Variants in FAM174B observed in about 807,000 individuals in gnomAD.
FAM174B encodes the protein family with sequence similarity 174 member B, also known as membrane protein FAM174B.
Under a neutral mutation model 10.9 loss-of-function variants are expected in FAM174B, and 12 were observed. The ratio of observed to expected loss-of-function variants is 1.10; its 90% CI spans 0.71 to 1.79. The LOEUF (loss-of-function observed/expected upper bound fraction) is 1.79. FAM174B is among the 40% of genes most tolerant of loss of function. The pLI is 0.00. For synonymous variants in FAM174B, 132 were observed against 115.8 expected, an observed-to-expected ratio of 1.14 and a Z score of -0.90; for missense variants, 266 against 233.3, an observed-to-expected ratio of 1.14 and a Z score of -0.91.
In FAM174B at chr15:92,631,420, AATATATAATATAAT is replaced by A. The variant is rs1567045482; in HGVS notation, c.345-1089_345-1076del. ...TTATATTATATTATATATAATATAT[AATATATAATATAAT>A]ATATTATATATATAACATAATATAT... On this transcript the variant is annotated intron_variant, in intron 1 of 2. Coordinates refer to ENST00000327355, the MANE Select transcript of FAM174B (RefSeq NM_207446.3). Among the ~76,000 whole-genome samples the A allele has an allele frequency of 6.6e-3, 301 of 45,286 alleles. 50 individuals are homozygous for A. Among genetic ancestry groups the A allele is most frequent in the Non-Finnish European group, 9.1e-3 (239 of 26,346 alleles). The allele number at this position is 45,286 out of a possible 152,430, so 29.7% of individuals were successfully genotyped here.
intron 1 of FAM174B, among the ~76,000 whole-genome samples, chr15:92,651,721 T>A (rs1471386583): frequency 2.0e-5 from 3 of 152,240 alleles, no homozygotes; most frequent in African/African-American, 7.2e-5. Context: ...CAAACAGAGC[T>A]TCTCTGAATA....
At chr15:92,622,302 G>A (rs1017625654) in intron 2 of FAM174B, among the ~76,000 whole-genome samples, 4 of 152,212 alleles carry the variant, frequency 2.6e-5, no homozygotes, top group Non-Finnish European at 5.9e-5. Context: ...AATCCTTCAC[G>A]CGCCTCCACG....
chr15:92,623,880 T>C (rs1171189159), intron 2 of FAM174B, among the ~76,000 whole-genome samples: 2 of 152,206 alleles, frequency 1.3e-5, no homozygotes, highest in South Asian at 2.1e-4. Context: ...CTGAAAAACA[T>C]GGCTTGCTTT....
chr15:92,645,771 G>A (rs1282396113), intron 1 of FAM174B, among the ~76,000 whole-genome samples: 2 of 152,222 alleles, frequency 1.3e-5, no homozygotes, highest in East Asian at 1.9e-4. Flanking sequence ...GAAACTCTGA[G>A]GTCACAGTGC....
At chr15:92,619,763 G>C (rs1188196057) in intron 2 of FAM174B, 1 of 449,750 alleles carries the variant, frequency 2.2e-6, no homozygotes. Context: ...TACACTAGGG[G>C]TTGGAAAACT....
chr15:92,636,303 G>C (rs1234982292), intron 1 of FAM174B, among the ~76,000 whole-genome samples: 1 of 152,088 alleles, frequency 6.6e-6, no homozygotes, highest in East Asian at 1.9e-4. Flanking sequence ...GACAGAGTGA[G>C]ACCCTGACTC....
chr15:92,628,409 A>G (rs1268667011), intron 2 of FAM174B, among the ~76,000 whole-genome samples: 2 of 132,890 alleles, frequency 1.5e-5, no homozygotes, highest in African/African-American at 5.9e-5. Flanking sequence ...CAAACCCTGG[A>G]GCTCAAGAGA....
At chr15:92,619,592 T>TGA (rs2050705443) in intron 2 of FAM174B, 133 bp from the exon 3 acceptor site, 3 of 1,014,440 alleles carry the variant, frequency 3.0e-6, no homozygotes, top group Non-Finnish European at 4.3e-6. Flanking sequence ...ACAGGACCTT[T>TGA]GAGCGTGCTG....
chr15:92,621,860 A>T (rs2050721757), intron 2 of FAM174B, among the ~76,000 whole-genome samples: 1 of 152,038 alleles, frequency 6.6e-6, no homozygotes, highest in Admixed American at 6.5e-5. Context: ...GACCCCCAAC[A>T]TTAAGGTTCC....
intron 1 of FAM174B, among the ~76,000 whole-genome samples, chr15:92,633,203 C>T (rs151044313): frequency 6.6e-6 from 1 of 152,292 alleles, no homozygotes; most frequent in East Asian, 1.9e-4. Context: ...GTGGAGACCA[C>T]ATCAAAGACA....
In FAM174B at chr15:92,631,169, AAT is replaced by A. The variant is rs1203157410; in HGVS notation, c.345-826_345-825del. On this transcript the variant is annotated intron_variant, in intron 1 of 2. Transcript: ENST00000327355. ...CATATTATATTATATATTATATAATAATTTATATATTATATTATATATTATAT... is the reference window on the plus strand; with the variant it reads ...CATATTATATTATATATTATATAATATTATATATTATATTATATATTATAT... Among the ~76,000 whole-genome samples, 4 of 27,838 alleles carry A rather than the reference AAT, an allele frequency of 1.4e-4. 1 individual carries two copies. Among genetic ancestry groups the A allele is most frequent in the Non-Finnish European group, 1.8e-4 (2 of 11,366 alleles). The allele number at this position is 27,838 out of a possible 152,430, so 18.3% of individuals were successfully genotyped here. A position where few individuals can be genotyped will look rare whatever the true frequency, so the allele number is the denominator to read the frequency against.
At chr15:92,649,310 T>C (rs1204361693) in intron 1 of FAM174B, among the ~76,000 whole-genome samples, 2 of 152,204 alleles carry the variant, frequency 1.3e-5, no homozygotes, top group African/African-American at 2.4e-5. Flanking sequence ...GGGGCAGTCA[T>C]GAGGCGCCTC....
At position 92,626,114 on chromosome 15, in the gene FAM174B, A is replaced by ATTT. The variant is rs67649021; in HGVS notation, c.476+4097_476+4099dup. 8.1e-3 allele frequency among the ~76,000 whole-genome samples: 847 copies of ATTT among 105,028 alleles called. 8 individuals carry two copies. Among genetic ancestry groups the ATTT allele is most frequent in the Middle Eastern group, 0.019 (4 of 208 alleles). 68.9% of individuals were successfully genotyped at this position (105,028 alleles called of 152,430 possible). ...AATAAAAGTTTAGCAAGGTTGCTGG[A>ATTT]TTTTTTTTTTTTTTTTTTTTTGAGA... On this transcript the variant is annotated intron_variant, in intron 2 of 2. Transcript: ENST00000327355.
At chr15:92,628,041 G>A (rs184018658) in intron 2 of FAM174B, among the ~76,000 whole-genome samples, 3 of 152,224 alleles carry the variant, frequency 2.0e-5, no homozygotes, top group African/African-American at 7.2e-5. Flanking sequence ...TGTATCCTAT[G>A]CACATTCTCT....
chr15:92,624,822 G>A (rs147350980), intron 2 of FAM174B, among the ~76,000 whole-genome samples: 4 of 152,250 alleles, frequency 2.6e-5, no homozygotes, highest in Admixed American at 6.5e-5. Context: ...TCTCCCAGCA[G>A]TGTGCCTTTG....
intron 1 of FAM174B, among the ~76,000 whole-genome samples, chr15:92,641,542 G>C (rs998707890): frequency 5.9e-5 from 9 of 152,054 alleles, no homozygotes; most frequent in African/African-American, 2.2e-4. Flanking sequence ...TATAAAGCAA[G>C]GTAAAAAGCA....
intron 1 of FAM174B, among the ~76,000 whole-genome samples, chr15:92,647,008 T>C (rs1361487849): frequency 3.3e-5 from 5 of 152,214 alleles, no homozygotes. Flanking sequence ...GCCACTCATA[T>C]TTGGCTCAGA....
At chr15:92,625,667 A>T (rs2050747874) in intron 2 of FAM174B, among the ~76,000 whole-genome samples, 1 of 152,272 alleles carries the variant, frequency 6.6e-6, no homozygotes. Flanking sequence ...TCTTATTTCT[A>T]TAAAAAACAA....
chr15:92,649,917 A>G (rs2050954434), intron 1 of FAM174B, among the ~76,000 whole-genome samples: 1 of 152,206 alleles, frequency 6.6e-6, no homozygotes, highest in Non-Finnish European at 1.5e-5. Flanking sequence ...TGTCACTTCT[A>G]TAGTTTTTTC....
Sources: gnomAD v4.1 joint callset for allele counts (sites outside exome capture counted in the v4.1 genomes callset) on GRCh38, gnomAD v4.1.1 for gene constraint, MANE v1.5 for transcripts, NCBI Gene and HGNC (gene_info 2026-07-23, HGNC 2026-07-21) for gene names.